The following SLC39A11 variants were observed in gnomAD, a reference collection of about 807,000 sequenced individuals.
The protein encoded by SLC39A11 is zinc transporter ZIP11.
A neutral mutation model predicts 36.1 loss-of-function variants in SLC39A11; 33 were observed. The ratio of observed to expected loss-of-function variants is 0.91; its 90% CI spans 0.69 to 1.22. The LOEUF (loss-of-function observed/expected upper bound fraction) is 1.22, where lower values mean the gene tolerates loss of function less well. SLC39A11 is among the 50% of genes most tolerant of loss of function. The pLI, the probability that SLC39A11 is intolerant of heterozygous loss-of-function variation, is 0.00. For missense variants in SLC39A11, 432 were observed against 430.3 expected (o/e 1.00, Z -0.03); for synonymous variants, 166 against 170.3 (o/e 0.97, Z 0.20).
intron 7 of SLC39A11, among the ~76,000 whole-genome samples, chr17:72,714,099 T>A (rs145989846): frequency 6.6e-6 from 1 of 152,190 alleles, no homozygotes; most frequent in Non-Finnish European, 1.5e-5. Flanking sequence ...CTAAAGCCTG[T>A]AATCCCAGCA....
At chr17:73,013,518 G>C (rs147900015) in intron 4 of SLC39A11, among the ~76,000 whole-genome samples, 1 of 152,226 alleles carries the variant, frequency 6.6e-6, no homozygotes, top group Non-Finnish European at 1.5e-5. Flanking sequence ...GGATTCCACA[G>C]TTCATAAATG....
intron 7 of SLC39A11, among the ~76,000 whole-genome samples, chr17:72,707,532 G>A (rs1277357738): frequency 6.6e-6 from 1 of 152,222 alleles, no homozygotes; most frequent in East Asian, 1.9e-4. Context: ...GACACTGGTG[G>A]TACTGCAGGG....
At chr17:72,869,272 C>T (rs377421899) in intron 5 of SLC39A11, among the ~76,000 whole-genome samples, 2 of 152,250 alleles carry the variant, frequency 1.3e-5, no homozygotes, top group Admixed American at 6.5e-5. Flanking sequence ...CATCTGGAAG[C>T]ATCTGGGACA....
At chr17:73,042,838 AG>A (rs1396759959) in intron 3 of SLC39A11, among the ~76,000 whole-genome samples, 1 of 152,180 alleles carries the variant, frequency 6.6e-6, no homozygotes, top group Non-Finnish European at 1.5e-5. Context: ...AGAATTACCC[AG>A]AAAGTACAGA....
chr17:72,917,555 C>T (rs954026535), intron 5 of SLC39A11, among the ~76,000 whole-genome samples: 3 of 152,150 alleles, frequency 2.0e-5, no homozygotes, highest in African/African-American at 7.2e-5. Flanking sequence ...GCATGCAAGA[C>T]ACTGAAATGT....
chr17:72,675,462 T>G (rs56074219), intron 7 of SLC39A11, among the ~76,000 whole-genome samples: 31,546 of 152,114 alleles, frequency 0.21, 3,373 homozygotes, highest in Middle Eastern at 0.28. Flanking sequence ...GCATTTTGTT[T>G]TGGTAGCCCA....
At chr17:72,888,742 A>G (rs1369948853) in intron 5 of SLC39A11, among the ~76,000 whole-genome samples, 1 of 152,112 alleles carries the variant, frequency 6.6e-6, no homozygotes, top group Non-Finnish European at 1.5e-5. Flanking sequence ...TCTCGATAAA[A>G]GATGAAAAAA....
intron 7 of SLC39A11, among the ~76,000 whole-genome samples, chr17:72,703,074 C>T (rs1473289419): frequency 6.6e-6 from 1 of 151,948 alleles, no homozygotes; most frequent in African/African-American, 2.4e-5. Context: ...CATCACCAGA[C>T]ACCAGAGCTG....
intron 6 of SLC39A11, among the ~76,000 whole-genome samples, chr17:72,740,878 G>A (rs533732995): frequency 3.3e-5 from 5 of 152,126 alleles, no homozygotes; most frequent in Admixed American, 2.0e-4. Context: ...AGGTTCAAGC[G>A]ATTCTCCTGC....
chr17:72,947,631 G>A (rs1201690225), intron 5 of SLC39A11, 121 bp downstream of exon 5: 1 of 1,424,976 alleles, frequency 7.0e-7, no homozygotes, highest in Admixed American at 1.7e-5. Flanking sequence ...TGATTCGGAG[G>A]GATAGGACAG....
chr17:72,654,484 T>C (rs1385657423), intron 7 of SLC39A11, among the ~76,000 whole-genome samples: 3 of 152,220 alleles, frequency 2.0e-5, no homozygotes, highest in African/African-American at 4.8e-5. Context: ...CATGTGAATA[T>C]ATTTATGTTG....
chr17:72,730,272 C>T (rs544068403), intron 7 of SLC39A11, among the ~76,000 whole-genome samples: 130 of 152,326 alleles, frequency 8.5e-4, no homozygotes, highest in Non-Finnish European at 1.6e-3. Flanking sequence ...CGCCTACAAA[C>T]GCAGCATCAG....
chr17:72,926,680 G>A (rs961909475), intron 5 of SLC39A11, among the ~76,000 whole-genome samples: 4 of 152,000 alleles, frequency 2.6e-5, no homozygotes, highest in Non-Finnish European at 5.9e-5. Flanking sequence ...ACCATTTCCA[G>A]GGAGCCCAAT....
intron 4 of SLC39A11, among the ~76,000 whole-genome samples, chr17:72,986,201 T>TCC (rs1359429119): frequency 6.6e-6 from 1 of 152,180 alleles, no homozygotes; most frequent in Non-Finnish European, 1.5e-5. Context: ...GGAAACCAGT[T>TCC]CACTCCCCAG....
intron 3 of SLC39A11, among the ~76,000 whole-genome samples, chr17:73,035,049 G>A (rs908845695): frequency 4.6e-5 from 7 of 152,126 alleles, no homozygotes; most frequent in African/African-American, 7.2e-5. Context: ...CACACAAACT[G>A]GAAAACCACC....
intron 6 of SLC39A11, among the ~76,000 whole-genome samples, chr17:72,766,722 C>G (rs988996783): frequency 2.0e-5 from 3 of 152,224 alleles, no homozygotes; most frequent in African/African-American, 7.2e-5. Flanking sequence ...CTCTCCCACC[C>G]TCTTTTACTA....
At position 72,653,301 on chromosome 17, in the gene SLC39A11, G is replaced by T. The variant is rs915521031; in HGVS notation, c.672-4033C>A. 2.0e-5 allele frequency among the ~76,000 whole-genome samples: 3 copies of T among 151,338 alleles called. No individual in the cohort carries two copies. The South Asian group carries it at 6.3e-4, about 32-fold the overall frequency. On this transcript the variant is annotated intron_variant, in intron 7 of 9. Transcript: ENST00000255559. ...TTTTTGTATTTTTAGCAGAGACAGG[G>T]TTTCAGAATATTAGCCAGGCTGGTC...
At chr17:72,694,875 CCATTA>C (rs1026071539) in intron 7 of SLC39A11, among the ~76,000 whole-genome samples, 1 of 152,192 alleles carries the variant, frequency 6.6e-6, no homozygotes, top group African/African-American at 2.4e-5. Context: ...CCATGGACAT[CCATTA>C]CGATATTTCC....
At chr17:73,025,852 C>T (rs1420619955) in intron 4 of SLC39A11, among the ~76,000 whole-genome samples, 4 of 152,180 alleles carry the variant, frequency 2.6e-5, no homozygotes, top group East Asian at 1.9e-4. Flanking sequence ...TGGTGGCTCA[C>T]GCCTGTAATT....
Sources: allele counts gnomAD v4.1 joint callset (sites outside exome capture counted in the v4.1 genomes callset), GRCh38; gene constraint gnomAD v4.1.1; transcripts MANE v1.5; gene names NCBI Gene and HGNC (gene_info 2026-07-23, HGNC 2026-07-21).